Variants in LINGO2 observed in about 807,000 individuals in gnomAD.
LINGO2 encodes the protein leucine-rich repeat and immunoglobulin-like domain-containing nogo receptor-interacting protein 2.
LINGO2 carries 14 observed loss-of-function variants against 30.6 expected under a neutral mutation model. The ratio of observed to expected loss-of-function variants is 0.46; its 90% CI spans 0.30 to 0.72. The LOEUF is 0.72. Ranked by LOEUF, LINGO2 falls within the 30% of genes least tolerant of loss-of-function variation. LINGO2 has a pLI of 0.07. For synonymous variants in LINGO2, 317 were observed against 288.5 expected, an observed-to-expected ratio of 1.10 and a Z score of -1.00; for missense variants, 729 against 751.7, an observed-to-expected ratio of 0.97 and a Z score of 0.35.
At chr9:28,312,687 A>C (rs1243626886) in intron 3 of LINGO2, among the ~76,000 whole-genome samples, 1 of 152,188 alleles carries the variant, frequency 6.6e-6, no homozygotes, top group African/African-American at 2.4e-5. Context: ...GACAGAGTGC[A>C]ATTATTATAA....
chr9:28,123,361 A>G (rs1417958325), intron 4 of LINGO2, among the ~76,000 whole-genome samples: 1 of 152,204 alleles, frequency 6.6e-6, no homozygotes, highest in Non-Finnish European at 1.5e-5. Flanking sequence ...AGCAATCTGG[A>G]CTTGATTCCA....
chr9:28,752,961 A>G, the LINGO2 span, among the ~76,000 whole-genome samples: 1 of 152,098 alleles, frequency 6.6e-6, no homozygotes, highest in Non-Finnish European at 1.5e-5. Context: ...TCTGGCATAC[A>G]GTAGGTACCC....
intron 2 of LINGO2, among the ~76,000 whole-genome samples, chr9:28,376,191 G>A (rs1363425618): frequency 6.6e-6 from 1 of 151,920 alleles, no homozygotes; most frequent in Non-Finnish European, 1.5e-5. Context: ...ACCCCATAAG[G>A]TAGGCCACAT....
At chr9:27,982,911 A>G (rs1278361189) in intron 5 of LINGO2, among the ~76,000 whole-genome samples, 1 of 151,746 alleles carries the variant, frequency 6.6e-6, no homozygotes, top group African/African-American at 2.4e-5. Flanking sequence ...TACACTTACG[A>G]ACTGTAAAGT....
chr9:28,300,859 G>A lies in LINGO2; in HGVS notation c.-245-5493C>T, dbSNP rs149135137. Among the ~76,000 whole-genome samples the A allele has an allele frequency of 5.8e-3, 876 of 150,706 alleles. 5 individuals are homozygous for A. The highest frequency in any genetic ancestry group is 7.3e-3 in the Non-Finnish European group (493 of 67,990). ...ACCAACAAATTATGGAAGAAGAGTA[G>A]AGGTGCAACCTACATTGAACATGTC... On this transcript the variant is annotated intron_variant, in intron 3 of 5. Coordinates refer to ENST00000379992, the Ensembl canonical transcript of LINGO2.
chr9:28,672,045 T>C (rs1441069392), upstream of LINGO2, among the ~76,000 whole-genome samples: 1 of 152,148 alleles, frequency 6.6e-6, no homozygotes, highest in East Asian at 1.9e-4. Flanking sequence ...GAGGAGAAGA[T>C]GCTTTATAGC....
chr9:29,067,114 C>CA, the LINGO2 span, among the ~76,000 whole-genome samples: 1 of 151,736 alleles, frequency 6.6e-6, no homozygotes, highest in African/African-American at 2.4e-5. Flanking sequence ...CAGAAGGTAA[C>CA]ACCTTTTTGA....
chr9:28,393,230 G>GA (rs1489953328), intron 2 of LINGO2, among the ~76,000 whole-genome samples: 1 of 152,198 alleles, frequency 6.6e-6, no homozygotes, highest in African/African-American at 2.4e-5. Flanking sequence ...GAACAGCAGT[G>GA]AAAAAACACA....
chr9:28,498,294 G>A (rs934286588), intron 1 of LINGO2, among the ~76,000 whole-genome samples: 42 of 152,288 alleles, frequency 2.8e-4, no homozygotes, highest in African/African-American at 8.2e-4. Flanking sequence ...CTTGAGCAGC[G>A]GTGGGCTCCA....
At chr9:28,346,908 C>T (rs893172119) in intron 3 of LINGO2, among the ~76,000 whole-genome samples, 2 of 151,274 alleles carry the variant, frequency 1.3e-5, no homozygotes, top group African/African-American at 4.9e-5. Context: ...ATTTAAGTTC[C>T]TTATAGATAT....
intron 2 of LINGO2, among the ~76,000 whole-genome samples, chr9:28,427,800 T>G (rs538588998): frequency 3.3e-5 from 5 of 152,248 alleles, no homozygotes; most frequent in African/African-American, 1.2e-4. Context: ...CACTCCTTTG[T>G]TAGATGAGGC....
intron 4 of LINGO2, among the ~76,000 whole-genome samples, chr9:28,119,124 G>T (rs1439380062): frequency 6.6e-6 from 1 of 152,186 alleles, no homozygotes; most frequent in Non-Finnish European, 1.5e-5. Flanking sequence ...GAAGTGCACA[G>T]TGTGAATAAA....
rs764103150 is a variant in LINGO2, at chr9:28,049,150, G to C, written c.-86-36745C>G. 1.7e-4 allele frequency among the ~76,000 whole-genome samples: 26 copies of C among 150,824 alleles called. 2 individuals carry two copies. Among genetic ancestry groups the C allele is most frequent in the Admixed American group, 1.3e-3 (19 of 15,036 alleles). On this transcript the variant is annotated intron_variant, in intron 4 of 5. Coordinates refer to ENST00000379992, the Ensembl canonical transcript of LINGO2. ...TGTCTTCATGCCTTTATCCTAGTCA[G>C]CAATGCATCATGGGACAACATCAAG...
rs896243571 is a variant in LINGO2, at chr9:28,654,278, G to A, written c.-365+15922C>T. ...GGGTCATCCAAATCATTCCCCTAAAGCCCTTTTATGTACTAAGAAAGCAAG... is the reference window on the plus strand; with the variant it reads ...GGGTCATCCAAATCATTCCCCTAAAACCCTTTTATGTACTAAGAAAGCAAG... On this transcript the variant is annotated intron_variant, in intron 1 of 5. Transcript: ENST00000379992. Among the ~76,000 whole-genome samples, 4 of 151,966 alleles carry A rather than the reference G, an allele frequency of 2.6e-5. No individual in the cohort carries two copies. In the South Asian group the frequency reaches 6.2e-4, roughly 24 times the overall value.
chr9:28,123,137 T>C (rs563844556), intron 4 of LINGO2, among the ~76,000 whole-genome samples: 75 of 152,348 alleles, frequency 4.9e-4, no homozygotes, highest in African/African-American at 1.7e-3. Flanking sequence ...TTTGAGAGGA[T>C]TGAATAACGG....
intron 4 of LINGO2, among the ~76,000 whole-genome samples, chr9:28,013,231 G>T (rs1331778617): frequency 6.6e-6 from 1 of 152,088 alleles, no homozygotes; most frequent in Admixed American, 6.5e-5. Context: ...TTTGGTCTTT[G>T]TATTTCTTTT....
chr9:28,182,009 A>G (rs1450566586), intron 4 of LINGO2, among the ~76,000 whole-genome samples: 1 of 152,150 alleles, frequency 6.6e-6, no homozygotes, highest in South Asian at 2.1e-4. Flanking sequence ...TAGCCAAGAC[A>G]ACCCTAAAAA....
the LINGO2 span, among the ~76,000 whole-genome samples, chr9:28,709,967 T>C: frequency 6.6e-6 from 1 of 151,838 alleles, no homozygotes; most frequent in Non-Finnish European, 1.5e-5. Flanking sequence ...TATTTTATGC[T>C]TTTAGTATAA....
At chr9:27,984,471 T>A (rs1337562038) in intron 5 of LINGO2, among the ~76,000 whole-genome samples, 1 of 151,846 alleles carries the variant, frequency 6.6e-6, no homozygotes, top group Non-Finnish European at 1.5e-5. Context: ...ATGTCAAAAC[T>A]TCCTTCAAAG....
Sources: gnomAD v4.1 joint callset for allele counts (sites outside exome capture counted in the v4.1 genomes callset) on GRCh38, gnomAD v4.1.1 for gene constraint, MANE v1.5 for transcripts, NCBI Gene and HGNC (gene_info 2026-07-23, HGNC 2026-07-21) for gene names.